DMPK: variants seen among roughly 807,000 people sequenced by gnomAD.
DMPK encodes DM1 protein kinase.
DMPK carries 32 observed loss-of-function variants against 70.3 expected under a neutral mutation model. That is an observed-to-expected ratio of 0.46 (90% confidence interval 0.34 to 0.61). The LOEUF is 0.61. Ranked by LOEUF, DMPK falls within the 20% of genes least tolerant of loss-of-function variation. The probability of loss-of-function intolerance (pLI) is 0.01; values close to 1 mark genes in which losing one functional copy is unlikely to be tolerated. For synonymous variants in DMPK, 469 were observed against 390.9 expected (o/e 1.20, Z -2.36); for missense variants, 899 against 886.0 (o/e 1.01, Z -0.19).
Position 45,779,591 on chromosome 19 carries a change from C to T in DMPK, c.253-69G>A. On this transcript the variant is annotated intron_variant, in intron 2 of 14. Coordinates refer to ENST00000291270, the MANE Select transcript of DMPK (RefSeq NM_004409.5). ...AAAAGGGCTCGCCCAGACCCAACTC[C>T]ACCCGCTTCTGCACCCAGCCGTGGC... 5 of 1,597,196 alleles carry T rather than the reference C, an allele frequency of 3.1e-6. No homozygotes were observed. The South Asian group carries it at 3.3e-5, about 11-fold the overall frequency.
rs1387529720 is a variant in DMPK, at chr19:45,770,566, C to T, written c.1812G>A (p.Leu604=). The T allele has an allele frequency of 6.4e-7, 1 of 1,551,454 alleles. No homozygotes were observed. The highest frequency in any genetic ancestry group is 8.7e-7 in the Non-Finnish European group (1 of 1,147,288). ...CGTGGGCCACCAACCCAATGCAGCCCAGGGCGGCGGCACGAGACAGAACAA... is the reference window on the plus strand; with the variant it reads ...CGTGGGCCACCAACCCAATGCAGCCTAGGGCGGCGGCACGAGACAGAACAA... The part of the protein sequence containing the change: ...FAVVLSRAAA[L]GCIGLVAHAG... Residue 604 remains leucine, a synonymous_variant, in exon 15 of 15, where the codon CTG becomes CTA. Coordinates refer to ENST00000291270, the MANE Select transcript of DMPK (RefSeq NM_004409.5).
intron 4 of DMPK, 126 bp from the exon 5 acceptor site, chr19:45,778,767 A>G: frequency 2.0e-6 from 2 of 1,021,856 alleles, no homozygotes; most frequent in Non-Finnish European, 2.8e-6. Flanking sequence ...CAGCCCAGAG[A>G]TAACCATAGA....
Position 45,772,839 on chromosome 19 carries a change from A to G in DMPK, c.1233-87T>C. ...GAACTTCTGGCCTGTGGGTAGGGGCAGCTGCTTCCAAGACCTCCTGATTTG... is the reference window on the plus strand; with the variant it reads ...GAACTTCTGGCCTGTGGGTAGGGGCGGCTGCTTCCAAGACCTCCTGATTTG... On this transcript the variant is annotated intron_variant, in intron 9 of 14. Coordinates refer to ENST00000291270, the MANE Select transcript of DMPK (RefSeq NM_004409.5). The G allele has an allele frequency of 5.8e-6, 4 of 695,510 alleles. No individual in the cohort carries two copies. The South Asian group carries it at 1.0e-4, about 18-fold the overall frequency. The allele number at this position is 695,510 out of a possible 1,614,324, so 43.1% of individuals were successfully genotyped here.
Position 45,777,656 on chromosome 19 carries a change from G to T in DMPK, c.882+11C>A. 1 of 1,613,900 alleles carries T rather than the reference G, an allele frequency of 6.2e-7. No homozygotes were observed. The highest frequency in any genetic ancestry group is 8.5e-7 in the Non-Finnish European group (1 of 1,180,018). On this transcript the variant is annotated intron_variant, in intron 7 of 14. Transcript: ENST00000291270. The surrounding 1 kb of genome is among the most constrained non-coding windows in gnomAD (Gnocchi z 6.7). ...CCGGGAGAGGCCAGGTCTCCCTGCG[G>T]CCGTGCTCACCTTGTAGTGGACGAT...
chr19:45,780,404 G>C (rs1039915621), intron 1 of DMPK: 1 of 1,413,140 alleles, frequency 7.1e-7, no homozygotes, highest in African/African-American at 1.4e-5. Context: ...ACAGGACAGG[G>C]AGACAAAGGT....
rs780386907 is a variant in DMPK at position 45,777,920 on chromosome 19, C to T, written c.676-47G>A. The T allele has an allele frequency of 2.1e-5, 32 of 1,548,302 alleles. No individual in the cohort carries two copies. The highest frequency in any genetic ancestry group is 1.6e-4 in the Admixed American group (9 of 56,708). Reference sequence around the variant, plus strand: ...GAGGCTTGGGCCCACCCCTCTGGGCCCACCAGCTCTGGGCCCTCCTTCCAA... The same window carrying T: ...GAGGCTTGGGCCCACCCCTCTGGGCTCACCAGCTCTGGGCCCTCCTTCCAA... On this transcript the variant is annotated intron_variant, in intron 6 of 14. Coordinates refer to ENST00000291270, the MANE Select transcript of DMPK (RefSeq NM_004409.5). The surrounding 1 kb of genome is among the most constrained non-coding windows in gnomAD (Gnocchi z 6.7).
At chr19:45,778,249 T>A (rs1234840945) in intron 5 of DMPK, 29 bp from the exon 6 acceptor site, 1 of 1,583,892 alleles carries the variant, frequency 6.3e-7, no homozygotes, top group East Asian at 2.3e-5. Flanking sequence ...AAGGGTGGGA[T>A]AAATGAACCT....
At chr19:45,775,169 CTT>C in intron 8 of DMPK, 135 bp from the exon 9 acceptor site, 1 of 656,846 alleles carries the variant, frequency 1.5e-6, no homozygotes, top group Non-Finnish European at 2.6e-6. Flanking sequence ...AGCATTTTTT[CTT>C]TTTTCTTTTT....
In DMPK at chr19:45,778,559, G is replaced by C; in HGVS notation, c.515C>G (p.Ala172Gly). Residue 172 changes from alanine (A) to glycine (G), a missense_variant, in exon 5 of 15, where the codon GCG (alanine) becomes GGG (glycine). This residue lies in a region of DMPK where 195 missense variants were observed against 259.7 expected (regional missense o/e 0.75). Transcript: ENST00000291270. ...GACAATCTCCGCCAGGTAGAAGCGC[G>C]CCATCTCGGCCGGAATCCGCTCCCC... ...KFGERIPAEM[A>G]RFYLAEIVMA... 6.2e-7 allele frequency: 1 copy of C among 1,613,966 alleles called. No individual in the cohort carries two copies. The highest frequency in any genetic ancestry group is 1.1e-5 in the South Asian group (1 of 91,088).
intron 1 of DMPK, 148 bp from the exon 2 acceptor site, chr19:45,780,017 T>G (rs374456013): frequency 6.4e-7 from 1 of 1,552,574 alleles, no homozygotes; most frequent in Non-Finnish European, 8.7e-7. Context: ...CTTCCCCACA[T>G]AAACACCGTG....
intron 10 of DMPK, 125 bp downstream of exon 10, chr19:45,772,516 C>T (rs537143850): frequency 2.9e-5 from 17 of 582,288 alleles, no homozygotes; most frequent in East Asian, 7.0e-5. Context: ...CTCGTCTCTC[C>T]GTGGTTTCTG....
chr19:45,771,701 C>T, intron 11 of DMPK, 36 bp from the exon 12 acceptor site: 2 of 1,612,778 alleles, frequency 1.2e-6, no homozygotes, highest in African/African-American at 1.3e-5. Flanking sequence ...CCGTCCGGGC[C>T]GGACGAGAGG....
Position 45,770,384 on chromosome 19 carries a change from C to A in DMPK, c.*104G>T. 2.1e-6 allele frequency: 3 copies of A among 1,415,318 alleles called. No homozygotes were observed. Among genetic ancestry groups the A allele is most frequent in the Non-Finnish European group, 2.9e-6 (3 of 1,027,550 alleles). 87.7% of individuals were successfully genotyped at this position (1,415,318 alleles called of 1,614,324 possible). On this transcript the variant is annotated 3_prime_UTR_variant, in exon 15 of 15. Transcript: ENST00000291270. ...GACTGGAGCTGGGCGGAGACCCACG[C>A]TCGGAGCGGTTGTGAACTGGCAGGC...
intron 10 of DMPK, 82 bp from the exon 11 acceptor site, chr19:45,772,010 C>A: frequency 6.9e-7 from 1 of 1,453,150 alleles, no homozygotes; most frequent in Non-Finnish European, 9.1e-7. Context: ...GCTAGGAATC[C>A]TTGTTTATCC....
At position 45,770,225 on chromosome 19, in the gene DMPK, G is replaced by GCAGCAGCAGCAGCAGCAGCAA; in HGVS notation, c.*262_*263insTTGCTGCTGCTGCTGCTGCTG. The GCAGCAGCAGCAGCAGCAGCAA allele has an allele frequency of 6.8e-6, 1 of 146,492 alleles. No individual in the cohort carries two copies. The highest frequency in any genetic ancestry group is 8.1e-6 in the Non-Finnish European group (1 of 124,058). 9.1% of individuals were successfully genotyped at this position (146,492 alleles called of 1,614,324 possible). Reference sequence around the variant, plus strand: ...CCCCCCAGCAGCAGCAGCAGCAGCAGCAGCAGCAGCAGCAGCAGCAGCAGC... The same window carrying GCAGCAGCAGCAGCAGCAGCAA: ...CCCCCCAGCAGCAGCAGCAGCAGCAGCAGCAGCAGCAGCAGCAGCAACAGCAGCAGCAGCAGCAGCAGCAGC... On this transcript the variant is annotated 3_prime_UTR_variant, in exon 15 of 15. Coordinates refer to ENST00000291270, the MANE Select transcript of DMPK (RefSeq NM_004409.5).
At position 45,774,991 on chromosome 19, in the gene DMPK, T is replaced by C. The variant is rs1425328885; in HGVS notation, c.1190A>G (p.His397Arg). 1 of 1,613,958 alleles carries C rather than the reference T, an allele frequency of 6.2e-7. No homozygotes were observed. The highest frequency in any genetic ancestry group is 1.7e-5 in the Admixed American group (1 of 60,010). ...DIREGAPLGV[H>R]LPFVGYSYSC... is the part of the protein sequence containing the mutation. ...GTAGGAGTAGCCCACAAAAGGCAGG[T>C]GGACCCCTAGCGGCGCACCTTCCCG... Residue 397 changes from histidine (H) to arginine (R), a missense_variant, in exon 9 of 15, where the codon CAC becomes CGC. This residue lies in a region of DMPK where 555 missense variants were observed against 483.8 expected (regional missense o/e 1.15). Transcript: ENST00000291270.
intron 1 of DMPK, 115 bp downstream of exon 1, chr19:45,782,078 T>G: frequency 1.0e-6 from 1 of 973,580 alleles, no homozygotes; most frequent in Non-Finnish European, 1.5e-6. Context: ...GATGGGAGGA[T>G]CTCCCCATGC....
chr19:45,772,855 T>A (rs1024445642), intron 9 of DMPK, 103 bp from the exon 10 acceptor site: 9 of 578,856 alleles, frequency 1.6e-5, no homozygotes, highest in Admixed American at 4.4e-5. Context: ...TTCCAAGACC[T>A]CCTGATTTGA....
intron 9 of DMPK, among the ~76,000 whole-genome samples, chr19:45,774,402 C>A (rs1036897817): frequency 2.6e-5 from 4 of 151,868 alleles, no homozygotes; most frequent in African/African-American, 9.7e-5. Flanking sequence ...GCTGGGACCG[C>A]AAGCGCCCGC....
Sources: allele counts gnomAD v4.1 joint callset (sites outside exome capture counted in the v4.1 genomes callset), GRCh38; gene constraint gnomAD v4.1.1; regional missense constraint gnomAD v4.1.1; non-coding constraint Gnocchi (gnomAD v3.1); transcripts MANE v1.5; gene names NCBI Gene and HGNC (gene_info 2026-07-23, HGNC 2026-07-21).